Variants in GLIS3 observed in about 807,000 individuals in gnomAD.
GLIS3 encodes zinc finger protein GLIS3.
In GLIS3, 53 loss-of-function variants were observed where a neutral mutation model predicts 78.6. The observed-to-expected ratio is 0.67, with a 90% CI of 0.54 to 0.85. The LOEUF is 0.85. Ranked by LOEUF, GLIS3 falls within the 40% of genes least tolerant of loss-of-function variation. GLIS3 has a pLI of 0.00. For missense variants in GLIS3, 1,703 were observed against 1,231.1 expected (o/e 1.38, Z -5.74); for synonymous variants, 684 against 509.9 (o/e 1.34, Z -4.60).
intron 4 of GLIS3, among the ~76,000 whole-genome samples, chr9:4,003,707 G>A (rs548685797): frequency 6.6e-6 from 1 of 152,272 alleles, no homozygotes; most frequent in African/African-American, 2.4e-5. Context: ...TCCAAATAAG[G>A]TGCTCCAGGG....
At chr9:4,098,087 T>C (rs1366575725) in intron 4 of GLIS3, among the ~76,000 whole-genome samples, 1 of 152,172 alleles carries the variant, frequency 6.6e-6, no homozygotes, top group Non-Finnish European at 1.5e-5. Context: ...CACTGGATGA[T>C]TAAAGAATGA....
chr9:4,239,016 C>G (rs1056482431), intron 2 of GLIS3, among the ~76,000 whole-genome samples: 30 of 151,922 alleles, frequency 2.0e-4, no homozygotes, highest in African/African-American at 6.5e-4. Flanking sequence ...AGGACATGAA[C>G]TCATCATTTT....
chr9:4,382,218 G>A, the GLIS3 span, among the ~76,000 whole-genome samples: 4 of 152,116 alleles, frequency 2.6e-5, no homozygotes, highest in African/African-American at 9.7e-5. Context: ...TGACACATCT[G>A]GAAAAATCAG....
At chr9:4,182,670 A>G (rs1817436644) in intron 2 of GLIS3, among the ~76,000 whole-genome samples, 1 of 152,214 alleles carries the variant, frequency 6.6e-6, no homozygotes, top group Non-Finnish European at 1.5e-5. Context: ...TCCATGAGTC[A>G]TGGTTCTCCC....
the GLIS3 span, among the ~76,000 whole-genome samples, chr9:4,398,696 G>A: frequency 6.6e-6 from 1 of 151,402 alleles, no homozygotes; most frequent in Non-Finnish European, 1.5e-5. Context: ...TGTTGTTGTT[G>A]TATTTTGTTT....
At chr9:3,856,302 C>A in intron 8 of GLIS3, 118 bp from the exon 9 acceptor site, 1 of 910,894 alleles carries the variant, frequency 1.1e-6, no homozygotes, top group Admixed American at 2.1e-5. Flanking sequence ...TGACAACAAG[C>A]CTTTTAAAAA....
the GLIS3 span, among the ~76,000 whole-genome samples, chr9:4,470,808 C>A: frequency 7.3e-5 from 11 of 150,540 alleles, no homozygotes; most frequent in Middle Eastern, 6.8e-3. Context: ...AAGAGGAAGT[C>A]AAATTGTCCC....
At chr9:3,944,039 T>G (rs925156438) in intron 4 of GLIS3, among the ~76,000 whole-genome samples, 1 of 152,230 alleles carries the variant, frequency 6.6e-6, no homozygotes, top group African/African-American at 2.4e-5. Context: ...AAACAAGGGT[T>G]ACTGAAATGG....
chr9:4,006,954 C>G (rs1297154286), intron 4 of GLIS3, among the ~76,000 whole-genome samples: 1 of 152,136 alleles, frequency 6.6e-6, no homozygotes, highest in Non-Finnish European at 1.5e-5. Context: ...AAGATTACAG[C>G]CAAGGCACAA....
chr9:4,187,321 T>C (rs1180030276), intron 2 of GLIS3, among the ~76,000 whole-genome samples: 2 of 152,242 alleles, frequency 1.3e-5, no homozygotes, highest in African/African-American at 2.4e-5. Context: ...TGCTGCGTTA[T>C]TTCTGAGGGC....
the GLIS3 span, among the ~76,000 whole-genome samples, chr9:4,472,098 C>T: frequency 1.3e-5 from 2 of 152,186 alleles, no homozygotes. Context: ...ATTAAAAAGT[C>T]AGGAAACAAC....
At chr9:3,970,352 A>G (rs545400406) in intron 4 of GLIS3, among the ~76,000 whole-genome samples, 3 of 152,364 alleles carry the variant, frequency 2.0e-5, no homozygotes, top group East Asian at 1.9e-4. Context: ...TGAGAAGATG[A>G]ATCGTGTTGA....
At chr9:4,019,600 A>G (rs556535607) in intron 4 of GLIS3, among the ~76,000 whole-genome samples, 2 of 152,360 alleles carry the variant, frequency 1.3e-5, no homozygotes, top group African/African-American at 2.4e-5. Flanking sequence ...GACATAGTAA[A>G]TAAGTAAAGC....
chr9:4,434,994 G>C, the GLIS3 span, among the ~76,000 whole-genome samples: 57 of 152,278 alleles, frequency 3.7e-4, no homozygotes, highest in African/African-American at 1.3e-3. Flanking sequence ...GTACCAAATT[G>C]TATGATTTGG....
chr9:3,857,049 A>C (rs188734786), intron 8 of GLIS3, among the ~76,000 whole-genome samples: 13 of 152,388 alleles, frequency 8.5e-5, no homozygotes, highest in African/African-American at 2.9e-4. Flanking sequence ...TGTAATTGTT[A>C]GAACAATGTT....
At chr9:4,083,974 A>G (rs777714373) in intron 4 of GLIS3, among the ~76,000 whole-genome samples, 6 of 152,142 alleles carry the variant, frequency 3.9e-5, no homozygotes, top group Non-Finnish European at 8.8e-5. Context: ...CACCATTTAC[A>G]CTATTGCAGA....
At chr9:4,330,848 C>T (rs147484014) in intron 2 of GLIS3, among the ~76,000 whole-genome samples, 3 of 152,096 alleles carry the variant, frequency 2.0e-5, no homozygotes, top group African/African-American at 7.2e-5. Context: ...CAGCACCAGG[C>T]GAGCCAGGAG....
chr9:3,850,911 C>G (rs1819388213), intron 9 of GLIS3, among the ~76,000 whole-genome samples: 1 of 152,256 alleles, frequency 6.6e-6, no homozygotes, highest in Non-Finnish European at 1.5e-5. Context: ...TCAAAACCCT[C>G]TTCAAGTATC....
Position 4,118,015 on chromosome 9 carries a change from T to G in GLIS3, c.1463A>C (p.Asp488Ala), listed in dbSNP as rs1374777529. The stretch of plus-strand genomic sequence containing the variant: ...GATGCCGTCCATCTCCCCGTCGTCG[T>G]CCAGGGTGGCCTGGGGCAAGGCCAG... ...QQLALPQATLDDDGEMDGIGG... is the reference protein window; with the variant it reads ...QQLALPQATLADDGEMDGIGG... Residue 488 changes from aspartate to alanine, a missense_variant, in exon 4 of 11, where the codon GAC (aspartate) becomes GCC (alanine). Transcript: ENST00000381971. The surrounding 1 kb of genome is among the most constrained non-coding windows in gnomAD (Gnocchi z 4.7). 6.2e-7 allele frequency: 1 copy of G among 1,605,232 alleles called. No individual in the cohort carries two copies. The highest frequency in any genetic ancestry group is 8.5e-7 in the Non-Finnish European group (1 of 1,176,420).
Sources: gnomAD v4.1 joint callset for allele counts (sites outside exome capture counted in the v4.1 genomes callset) on GRCh38, gnomAD v4.1.1 for gene constraint, Gnocchi (gnomAD v3.1) non-coding constraint, MANE v1.5 for transcripts, NCBI Gene and HGNC (gene_info 2026-07-23, HGNC 2026-07-21) for gene names.